The following BNIP5 variants were observed in gnomAD, a reference collection of about 807,000 sequenced individuals.
The protein encoded by BNIP5 is protein BNIP5.
In BNIP5, 61 loss-of-function variants were observed where a neutral mutation model predicts 67.3. The observed-to-expected ratio is 0.91, with a 90% CI of 0.74 to 1.12. BNIP5 has a LOEUF of 1.12. Ranked by LOEUF, BNIP5 falls within the 50% of genes most tolerant of loss-of-function variation. The pLI, the probability that BNIP5 is intolerant of heterozygous loss-of-function variation, is 0.00. For missense variants in BNIP5, 826 were observed against 816.3 expected (o/e 1.01, Z -0.14); for synonymous variants, 317 against 319.0 (o/e 0.99, Z 0.07).
At chr6:36,321,506 C>T (rs913302284) in intron 9 of BNIP5, among the ~76,000 whole-genome samples, 1 of 152,090 alleles carries the variant, frequency 6.6e-6, no homozygotes, top group African/African-American at 2.4e-5. Flanking sequence ...GAAACTGAGG[C>T]CTCCCAGTGT....
chr6:36,321,349 CG>C (rs1306861009), intron 9 of BNIP5, 130 bp from the exon 10 acceptor site: 4 of 699,838 alleles, frequency 5.7e-6, no homozygotes, highest in Non-Finnish European at 1.0e-5. Flanking sequence ...TCAGCACACA[CG>C]TTAGTTATGA....
chr6:36,331,296 C>T (rs889002921), intron 1 of BNIP5, among the ~76,000 whole-genome samples: 6 of 152,154 alleles, frequency 3.9e-5, no homozygotes, highest in South Asian at 2.1e-4. Context: ...GCTGGTCAGC[C>T]GCACCTCCAG....
rs761098112 is a variant in BNIP5 at position 36,330,455 on chromosome 6, T to A, written c.236A>T (p.Glu79Val). ...GCTGGGGAGAAAATCTCCGGTCTCC[T>A]CGGGAGTGGGGGCTGCAGCGGTGGT... ...HCTTAAAPTP[E>V]ETGDFLPSEQ... The change falls in exon 2 of 12, where the codon GAG becomes GTG. Residue 79 changes from glutamate to valine, a missense_variant. Transcript: ENST00000437635. The A allele has an allele frequency of 1.9e-6, 3 of 1,614,062 alleles. No homozygotes were observed. Among genetic ancestry groups the A allele is most frequent in the Non-Finnish European group, 2.5e-6 (3 of 1,180,026 alleles).
In BNIP5 at chr6:36,328,587, T is replaced by C. The variant is rs1339391058; in HGVS notation, c.727+11A>G. On this transcript the variant is annotated intron_variant, in intron 3 of 11. Transcript: ENST00000437635. ...CCACAGGCAAAAAGGTCACTAGAGA[T>C]TCCGACTCACGGTCAGGCTTTTTGA... The C allele has an allele frequency of 6.4e-7, 1 of 1,574,600 alleles. No individual in the cohort carries two copies.
chr6:36,323,273 G>C lies in BNIP5; in HGVS notation c.1471+20C>G. ...CCAAGAGGAAGCCTCTGTTACCATG[G>C]CAACACCAGGCCTGCTCACCAAGGC... On this transcript the variant is annotated intron_variant, in intron 8 of 11. Transcript: ENST00000437635. The C allele has an allele frequency of 6.2e-7, 1 of 1,613,684 alleles. No homozygotes were observed. Among genetic ancestry groups the C allele is most frequent in the Non-Finnish European group, 8.5e-7 (1 of 1,179,806 alleles).
Position 36,322,451 on chromosome 6 carries a change from A to G in BNIP5, c.1472-9T>C, listed in dbSNP as rs1475057156. ...CTCGAGATCTTCTGGATCTAGGGCA[A>G]AAAAAGAGTTGTTGAGTGTTTTGCA... On this transcript the variant is annotated splice_polypyrimidine_tract_variant and intron_variant, in intron 8 of 11. Coordinates refer to ENST00000437635, the MANE Select transcript of BNIP5 (RefSeq NM_001010903.5). 2.5e-6 allele frequency: 4 copies of G among 1,611,418 alleles called. No individual in the cohort carries two copies. The African/African-American group carries it at 5.4e-5, about 22-fold the overall frequency.
At position 36,319,753 on chromosome 6, in the gene BNIP5, CT is replaced by C. The variant is rs1454926239; in HGVS notation, c.1669-144del. ...CCCTTGTTACATCCCTCCACTGCCC[CT>C]AGCCTCTCAGAATCTGTTCTGCGAG... On this transcript the variant is annotated intron_variant, in intron 10 of 11. Transcript: ENST00000437635. The C allele has an allele frequency of 9.7e-6, 9 of 926,784 alleles. No individual in the cohort carries two copies. The Admixed American group carries it at 2.1e-4, about 22-fold the overall frequency. 57.4% of individuals were successfully genotyped at this position (926,784 alleles called of 1,614,324 possible).
In BNIP5 at chr6:36,325,352, C is replaced by A. The variant is rs555823348; in HGVS notation, c.1099G>T (p.Val367Leu). 8 of 1,614,118 alleles carry A rather than the reference C, an allele frequency of 5.0e-6. No individual in the cohort carries two copies. Among genetic ancestry groups the A allele is most frequent in the Non-Finnish European group, 4.2e-6 (5 of 1,180,002 alleles). ...STEAGAPGPS[V>L]LPTPSESQEP... ...TGGCTCTCTGATGGGGTGGGAAGCA[C>A]GGAGGGACCTGGAGCCCCAGCCTCT... Residue 367 changes from valine to leucine, a missense_variant, in exon 6 of 12, where the codon GTG (valine) becomes TTG (leucine). Physicochemically the swap from Val to Leu is conservative, Grantham distance 32 (BLOSUM62 1). Coordinates refer to ENST00000437635, the MANE Select transcript of BNIP5 (RefSeq NM_001010903.5).
In BNIP5 at chr6:36,316,559, C is replaced by T. The variant is rs1395343533; in HGVS notation, c.*797G>A. On this transcript the variant is annotated 3_prime_UTR_variant, in exon 12 of 12. Transcript: ENST00000437635. ...AGCAGTGCACCCCTGTGCAACAATC[C>T]ATGGCAGTCCAGCCCATTGAAGCCC... The T allele has an allele frequency of 5.0e-6, 2 of 398,752 alleles. No individual in the cohort carries two copies. Among genetic ancestry groups the T allele is most frequent in the Admixed American group, 4.4e-5 (1 of 22,744 alleles). The allele number at this position is 398,752 out of a possible 1,614,324, so 24.7% of individuals were successfully genotyped here.
chr6:36,328,176 A>G (rs1373359999), intron 3 of BNIP5, among the ~76,000 whole-genome samples: 1 of 152,218 alleles, frequency 6.6e-6, no homozygotes, highest in Non-Finnish European at 1.5e-5. Flanking sequence ...TTACTCCAAA[A>G]TGATTCAGCA....
chr6:36,327,006 A>C (rs1771779632), intron 4 of BNIP5, 24 bp downstream of exon 4: 1 of 1,606,094 alleles, frequency 6.2e-7, no homozygotes, highest in East Asian at 2.2e-5. Context: ...GAGCCCCTGG[A>C]GACCTGCAAA....
At position 36,322,446 on chromosome 6, in the gene BNIP5, G is replaced by T; in HGVS notation, c.1472-4C>A. ...CGGCACTCGAGATCTTCTGGATCTA[G>T]GGCAAAAAAAGAGTTGTTGAGTGTT... On this transcript the variant is annotated splice_polypyrimidine_tract_variant and splice_region_variant and intron_variant, in intron 8 of 11. Transcript: ENST00000437635. 6.2e-7 allele frequency: 1 copy of T among 1,611,324 alleles called. No individual in the cohort carries two copies. The highest frequency in any genetic ancestry group is 8.5e-7 in the Non-Finnish European group (1 of 1,178,984).
chr6:36,328,486 G>T (rs530190578), intron 3 of BNIP5, 112 bp downstream of exon 3: 3 of 708,654 alleles, frequency 4.2e-6, no homozygotes, highest in Admixed American at 4.1e-5. Context: ...GCCAGTGCAT[G>T]TATTTTGAGA....
At chr6:36,321,564 C>T (rs529889463) in intron 9 of BNIP5, among the ~76,000 whole-genome samples, 37 of 152,118 alleles carry the variant, frequency 2.4e-4, no homozygotes, top group African/African-American at 8.7e-4. Context: ...GGAGTTTGGA[C>T]GAGGAGCAGC....
At chr6:36,333,741 A>T (rs1407763696) in intron 1 of BNIP5, among the ~76,000 whole-genome samples, 1 of 152,264 alleles carries the variant, frequency 6.6e-6, no homozygotes, top group East Asian at 1.9e-4. Context: ...TCTTAAAAGA[A>T]GATAAATTTA....
rs762963874 is a variant in BNIP5, at chr6:36,330,122, G to T, written c.569C>A (p.Ala190Asp). The part of the protein sequence containing the change: ...REEGLSKAAA[A>D]LRSGEADLGP... ...CAGGTCAGCCTCCCCGGAGCGCAAG[G>T]CAGCAGCTGCCTTGGACAACCCTTC... is the stretch of plus-strand genomic sequence containing the variant. The change falls in exon 2 of 12, where the codon GCC becomes GAC. Residue 190 changes from alanine to aspartate, a missense_variant. Coordinates refer to ENST00000437635, the MANE Select transcript of BNIP5 (RefSeq NM_001010903.5). 5 of 1,611,486 alleles carry T rather than the reference G, an allele frequency of 3.1e-6. No individual in the cohort carries two copies. In the Admixed American group the frequency reaches 5.0e-5, roughly 16 times the overall value.
chr6:36,334,964 T>C (rs1771981415), intron 1 of BNIP5, among the ~76,000 whole-genome samples: 2 of 152,198 alleles, frequency 1.3e-5, no homozygotes, highest in Admixed American at 6.5e-5. Flanking sequence ...GTAAACTTGT[T>C]ATTGCCTTGG....
chr6:36,334,359 A>C (rs1771969886), intron 1 of BNIP5, among the ~76,000 whole-genome samples: 1 of 152,206 alleles, frequency 6.6e-6, no homozygotes, highest in Non-Finnish European at 1.5e-5. Flanking sequence ...AAGAGATTCC[A>C]GGGTCTCCCA....
chr6:36,332,385 CTGG>C (rs142298354), intron 1 of BNIP5, among the ~76,000 whole-genome samples: 5,836 of 152,250 alleles, frequency 0.038, 256 homozygotes, highest in African/African-American at 0.1. Flanking sequence ...ACCCTACGGC[CTGG>C]TGGTGTGCAA....
Sources: allele counts gnomAD v4.1 joint callset (sites outside exome capture counted in the v4.1 genomes callset), GRCh38; gene constraint gnomAD v4.1.1; transcripts MANE v1.5; gene names NCBI Gene and HGNC (gene_info 2026-07-23, HGNC 2026-07-21).